Variants in RNGTT observed in about 807,000 individuals in gnomAD.
RNGTT encodes the protein mRNA-capping enzyme.
Under a neutral mutation model 79.3 loss-of-function variants are expected in RNGTT, and 33 were observed. The observed-to-expected ratio is 0.42, with a 90% CI of 0.32 to 0.56. The LOEUF is 0.56. Among genes scored for constraint, RNGTT ranks in the 20% least tolerant of loss-of-function variants. The probability of loss-of-function intolerance (pLI) is 0.17; values close to 1 mark genes in which losing one functional copy is unlikely to be tolerated. For missense variants in RNGTT, 497 were observed against 739.1 expected, an observed-to-expected ratio of 0.67 and a Z score of 3.80; for synonymous variants, 222 against 235.9, an observed-to-expected ratio of 0.94 and a Z score of 0.54.
intron 14 of RNGTT, among the ~76,000 whole-genome samples, chr6:88,641,816 C>G (rs568594102): frequency 6.6e-6 from 1 of 152,298 alleles, no homozygotes; most frequent in Non-Finnish European, 1.5e-5. Flanking sequence ...AGCATAACTG[C>G]AGCTGCTTTT....
intron 2 of RNGTT, among the ~76,000 whole-genome samples, chr6:88,932,068 TA>T (rs1273619463): frequency 6.6e-6 from 1 of 152,074 alleles, no homozygotes; most frequent in East Asian, 1.9e-4. Flanking sequence ...CAAAAACAGG[TA>T]AGAGAAATAT....
intron 10 of RNGTT, 117 bp from the exon 11 acceptor site, chr6:88,844,638 T>C (rs1781428907): frequency 1.1e-6 from 1 of 933,504 alleles, no homozygotes; most frequent in Non-Finnish European, 1.6e-6. Context: ...TCTGGAGTTA[T>C]TCAGTGCACA....
chr6:88,840,003 A>T (rs1157948703), intron 11 of RNGTT, among the ~76,000 whole-genome samples: 1 of 152,216 alleles, frequency 6.6e-6, no homozygotes, highest in East Asian at 1.9e-4. Context: ...GATTTTAAAG[A>T]TACACATATG....
At chr6:88,719,464 C>T (rs995456678) in intron 13 of RNGTT, among the ~76,000 whole-genome samples, 2 of 152,334 alleles carry the variant, frequency 1.3e-5, no homozygotes, top group East Asian at 3.9e-4. Flanking sequence ...CAGATTTATA[C>T]TGCTTCTTCC....
intron 13 of RNGTT, among the ~76,000 whole-genome samples, chr6:88,744,086 A>G (rs1777580342): frequency 6.6e-6 from 1 of 152,110 alleles, no homozygotes; most frequent in African/African-American, 2.4e-5. Context: ...TTATATTTGC[A>G]TTTGTCACTA....
At chr6:88,650,731 T>C (rs1662123859) in intron 14 of RNGTT, among the ~76,000 whole-genome samples, 1 of 152,120 alleles carries the variant, frequency 6.6e-6, no homozygotes, top group Non-Finnish European at 1.5e-5. Flanking sequence ...AAAATAGACT[T>C]CTAGAGACTA....
intron 4 of RNGTT, among the ~76,000 whole-genome samples, chr6:88,920,481 T>C (rs1196482428): frequency 6.6e-6 from 1 of 152,208 alleles, no homozygotes; most frequent in African/African-American, 2.4e-5. Flanking sequence ...GTTAAGGATG[T>C]GTGTATATAT....
rs893361614 is a variant in RNGTT at position 88,611,986 on chromosome 6, T to A, written c.*733A>T. On this transcript the variant is annotated 3_prime_UTR_variant, in exon 16 of 16. Transcript: ENST00000369485. ...CCTGGTGGTGTATGTCCAAGTTCCA[T>A]GAAGTAACTCAAAACCACTGCCAGA... 5.2e-5 allele frequency: 8 copies of A among 152,646 alleles called. No individual in the cohort carries two copies. Among genetic ancestry groups the A allele is most frequent in the African/African-American group, 1.9e-4 (8 of 41,552 alleles). The allele number at this position is 152,646 out of a possible 1,614,324, so 9.5% of individuals were successfully genotyped here.
intron 14 of RNGTT, among the ~76,000 whole-genome samples, chr6:88,657,488 A>G (rs956201077): frequency 1.3e-5 from 2 of 152,202 alleles, no homozygotes; most frequent in Admixed American, 6.5e-5. Context: ...CTCCTAGATG[A>G]ACTCTGTAAT....
Position 88,941,198 on chromosome 6 carries a change from G to A in RNGTT, c.65-18C>T. ...GAATCTTCCTAAACAACACAGATAG[G>A]TAATCATTTCCATAAAAGGAAATGT... On this transcript the variant is annotated intron_variant, in intron 1 of 15. Coordinates refer to ENST00000369485, the MANE Select transcript of RNGTT (RefSeq NM_003800.5). The A allele has an allele frequency of 7.3e-7, 1 of 1,365,946 alleles. No homozygotes were observed. Among genetic ancestry groups the A allele is most frequent in the African/African-American group, 1.4e-5 (1 of 69,386 alleles). The allele number at this position is 1,365,946 out of a possible 1,614,324, so 84.6% of individuals were successfully genotyped here.
chr6:88,857,292 G>A (rs114883319), intron 8 of RNGTT, among the ~76,000 whole-genome samples: 262 of 152,254 alleles, frequency 1.7e-3, no homozygotes, highest in African/African-American at 5.9e-3. Context: ...AGTAGTCTGA[G>A]AGTAAAATGG....
chr6:88,829,299 A>T (rs1780771756), intron 11 of RNGTT, among the ~76,000 whole-genome samples: 1 of 152,182 alleles, frequency 6.6e-6, no homozygotes, highest in Non-Finnish European at 1.5e-5. Context: ...AAGGAGAAAT[A>T]AAATCCTTTA....
intron 11 of RNGTT, among the ~76,000 whole-genome samples, chr6:88,823,474 T>C (rs1429200664): frequency 6.7e-6 from 1 of 148,230 alleles, no homozygotes; most frequent in African/African-American, 2.5e-5. Context: ...GTTAAGAAAA[T>C]AAAACAGCAA....
intron 14 of RNGTT, among the ~76,000 whole-genome samples, chr6:88,640,911 C>G (rs1467899021): frequency 6.6e-6 from 1 of 152,174 alleles, no homozygotes; most frequent in Non-Finnish European, 1.5e-5. Context: ...TTAAGAGATT[C>G]CTCTGCATAG....
chr6:88,629,000 G>C (rs1487168898), intron 14 of RNGTT, among the ~76,000 whole-genome samples: 1 of 151,482 alleles, frequency 6.6e-6, no homozygotes, highest in Admixed American at 6.6e-5. Context: ...AGAAACATAG[G>C]CTGCATGTGA....
At chr6:88,925,216 G>A (rs1784281578) in intron 4 of RNGTT, among the ~76,000 whole-genome samples, 1 of 151,962 alleles carries the variant, frequency 6.6e-6, no homozygotes, top group Non-Finnish European at 1.5e-5. Flanking sequence ...CATGACCATG[G>A]GCGAAGTACT....
At chr6:88,868,209 G>C (rs1409218409) in intron 8 of RNGTT, among the ~76,000 whole-genome samples, 1 of 151,160 alleles carries the variant, frequency 6.6e-6, no homozygotes, top group Non-Finnish European at 1.5e-5. Flanking sequence ...AACTGACTCA[G>C]CAAATCAGGT....
chr6:88,888,373 A>G (rs1782936671), intron 8 of RNGTT, among the ~76,000 whole-genome samples: 1 of 152,200 alleles, frequency 6.6e-6, no homozygotes, highest in African/African-American at 2.4e-5. Context: ...CTTACTACCA[A>G]TTTAATAGAT....
chr6:88,867,368 A>G (rs1782206487), intron 8 of RNGTT, among the ~76,000 whole-genome samples: 2 of 152,056 alleles, frequency 1.3e-5, no homozygotes, highest in African/African-American at 4.8e-5. Flanking sequence ...CTGTAGTCTC[A>G]GCTACTCAAG....
Sources: gnomAD v4.1 joint callset for allele counts (sites outside exome capture counted in the v4.1 genomes callset) on GRCh38, gnomAD v4.1.1 for gene constraint, MANE v1.5 for transcripts, NCBI Gene and HGNC (gene_info 2026-07-23, HGNC 2026-07-21) for gene names.